The following SAMD3 variants were observed in gnomAD, a reference collection of about 807,000 sequenced individuals.
SAMD3 encodes the protein sterile alpha motif domain-containing protein 3.
SAMD3 carries 63 observed loss-of-function variants against 58.5 expected under a neutral mutation model. The ratio of observed to expected loss-of-function variants is 1.08; its 90% confidence interval spans 0.88 to 1.33. The LOEUF is 1.33. SAMD3 is among the 40% of genes most tolerant of loss of function. The pLI is 0.00. For missense variants in SAMD3, 604 were observed against 608.4 expected, an observed-to-expected ratio of 0.99 and a Z score of 0.08; for synonymous variants, 220 against 210.3, an observed-to-expected ratio of 1.05 and a Z score of -0.40.
chr6:130,155,866 C>T (rs1028831084), intron 8 of SAMD3, among the ~76,000 whole-genome samples: 20 of 152,010 alleles, frequency 1.3e-4, no homozygotes, highest in Admixed American at 6.6e-4. Flanking sequence ...AGTGAAGGAA[C>T]GCCTAGAAAA....
chr6:130,185,176 AT>A (rs1792817170), intron 5 of SAMD3, among the ~76,000 whole-genome samples: 2 of 152,190 alleles, frequency 1.3e-5, no homozygotes, highest in Admixed American at 6.5e-5. Context: ...TCCAGATGAA[AT>A]TTCTATGAAG....
chr6:130,161,280 A>G (rs965188566), intron 8 of SAMD3: 2 of 152,100 alleles, frequency 1.3e-5, no homozygotes, highest in African/African-American at 4.8e-5. Context: ...ATAGAATGAC[A>G]ATTTCTTAAG....
chr6:130,258,803 A>G (rs995477941), intron 2 of SAMD3, among the ~76,000 whole-genome samples: 3 of 152,198 alleles, frequency 2.0e-5, no homozygotes, highest in African/African-American at 7.2e-5. Flanking sequence ...TTGTGGTTAT[A>G]TCCCACAGAT....
chr6:130,338,097 C>G (rs966839557), intron 1 of SAMD3, among the ~76,000 whole-genome samples: 1 of 152,162 alleles, frequency 6.6e-6, no homozygotes, highest in Non-Finnish European at 1.5e-5. Flanking sequence ...CCAGGGCCCC[C>G]GCTGCTTTGT....
At chr6:130,162,063 T>C (rs1239084949) in intron 8 of SAMD3, 3 of 510,064 alleles carry the variant, frequency 5.9e-6, no homozygotes, top group Admixed American at 7.1e-5. Context: ...ATGTGTGACT[T>C]TAGAGGAATC....
At chr6:130,296,639 G>A (rs1775579726) in intron 2 of SAMD3, among the ~76,000 whole-genome samples, 1 of 152,150 alleles carries the variant, frequency 6.6e-6, no homozygotes, top group African/African-American at 2.4e-5. Context: ...TGCCGTTTGA[G>A]CTTGTACAAA....
intron 2 of SAMD3, among the ~76,000 whole-genome samples, chr6:130,272,498 T>C (rs1774600585): frequency 6.6e-6 from 1 of 152,156 alleles, no homozygotes; most frequent in Non-Finnish European, 1.5e-5. Flanking sequence ...ATACTTCTGA[T>C]GTATATAAAC....
chr6:130,193,109 A>T (rs1481805770), intron 5 of SAMD3, among the ~76,000 whole-genome samples: 1 of 152,080 alleles, frequency 6.6e-6, no homozygotes, highest in Non-Finnish European at 1.5e-5. Context: ...ATTCACCCAC[A>T]TTTCAGAGGT....
At chr6:130,347,038 A>C (rs1159976919) in intron 1 of SAMD3, among the ~76,000 whole-genome samples, 1 of 152,202 alleles carries the variant, frequency 6.6e-6, no homozygotes. Flanking sequence ...TAGAAGGAAA[A>C]CTAATAAACA....
chr6:130,157,284 C>A (rs1789877979), intron 8 of SAMD3, among the ~76,000 whole-genome samples: 1 of 151,062 alleles, frequency 6.6e-6, no homozygotes, highest in African/African-American at 2.4e-5. Context: ...AAACTTTTGT[C>A]AAAATAAGAG....
intron 9 of SAMD3, among the ~76,000 whole-genome samples, chr6:130,150,114 C>T (rs776166013): frequency 1.6e-4 from 25 of 151,554 alleles, no homozygotes; most frequent in African/African-American, 2.2e-4. Context: ...TGTGTGTGTG[C>T]GCGCGTGTGT....
intron 7 of SAMD3, among the ~76,000 whole-genome samples, chr6:130,181,881 T>G (rs1051178687): frequency 1.3e-5 from 2 of 151,934 alleles, no homozygotes; most frequent in Admixed American, 6.6e-5. Flanking sequence ...CTGGCTAACA[T>G]GGTGAAAATC....
intron 8 of SAMD3, among the ~76,000 whole-genome samples, chr6:130,175,175 T>C (rs577491239): frequency 6.6e-6 from 1 of 152,110 alleles, no homozygotes; most frequent in Non-Finnish European, 1.5e-5. Context: ...TGTTAAAGAG[T>C]TCAATCTACT....
At chr6:130,176,904 G>A (rs2114673211) in intron 7 of SAMD3, among the ~76,000 whole-genome samples, 1 of 152,214 alleles carries the variant, frequency 6.6e-6, no homozygotes. Flanking sequence ...AGAGGATGGG[G>A]TAAAAAATAA....
intron 1 of SAMD3, among the ~76,000 whole-genome samples, chr6:130,343,362 A>G (rs1045353601): frequency 6.6e-6 from 1 of 152,142 alleles, no homozygotes; most frequent in Admixed American, 6.5e-5. Context: ...TTGCCAGTAC[A>G]AAAATAACAT....
chr6:130,260,536 G>T (rs1774086515), intron 2 of SAMD3, among the ~76,000 whole-genome samples: 1 of 152,230 alleles, frequency 6.6e-6, no homozygotes, highest in South Asian at 2.1e-4. Context: ...TCTTGCCAAT[G>T]CTCCCGGCTG....
chr6:130,227,803 GA>G (rs1796426718), upstream of SAMD3, among the ~76,000 whole-genome samples: 1 of 141,844 alleles, frequency 7.1e-6, no homozygotes, highest in Non-Finnish European at 1.5e-5. Context: ...AAAAAAAAAA[GA>G]AAAGAAAAAT....
chr6:130,364,046 A>C (rs1778060151), intron 1 of SAMD3, among the ~76,000 whole-genome samples: 1 of 152,166 alleles, frequency 6.6e-6, no homozygotes, highest in African/African-American at 2.4e-5. Flanking sequence ...TGCTCGGACT[A>C]CTGAATTGCA....
At chr6:130,238,503 G>A (rs1319488945) in intron 2 of SAMD3, among the ~76,000 whole-genome samples, 2 of 151,680 alleles carry the variant, frequency 1.3e-5, no homozygotes, top group Non-Finnish European at 2.9e-5. Flanking sequence ...AAAAGAAAGG[G>A]AGAAAGAAAA....
Sources: gnomAD v4.1 joint callset for allele counts (sites outside exome capture counted in the v4.1 genomes callset) on GRCh38, gnomAD v4.1.1 for gene constraint, MANE v1.5 for transcripts, NCBI Gene and HGNC (gene_info 2026-07-23, HGNC 2026-07-21) for gene names.